Variants in ILDR1 observed in about 807,000 individuals in gnomAD.
ILDR1 encodes the protein immunoglobulin like domain containing receptor 1.
ILDR1 carries 56 observed loss-of-function variants against 62.4 expected under a neutral mutation model. The ratio of observed to expected loss-of-function variants is 0.90; its 90% CI spans 0.72 to 1.12. The LOEUF is 1.12. Ranked by LOEUF, ILDR1 falls within the 50% of genes most tolerant of loss-of-function variation. ILDR1 has a pLI of 0.00. For missense variants in ILDR1, 736 were observed against 710.6 expected (o/e 1.04, Z -0.41); for synonymous variants, 284 against 277.8 (o/e 1.02, Z -0.22).
chr3:122,040,915 T>G, the ILDR1 span, among the ~76,000 whole-genome samples: 1 of 152,134 alleles, frequency 6.6e-6, no homozygotes, highest in Non-Finnish European at 1.5e-5. Context: ...GAGTTACACT[T>G]TATTAAAATT....
At chr3:122,003,831 A>C (rs898547609) in intron 3 of ILDR1, among the ~76,000 whole-genome samples, 1 of 152,210 alleles carries the variant, frequency 6.6e-6, no homozygotes, top group African/African-American at 2.4e-5. Context: ...GGGGATTTCC[A>C]TCCTTCAGAA....
intron 1 of ILDR1, among the ~76,000 whole-genome samples, chr3:122,009,232 T>C (rs911832442): frequency 6.6e-6 from 1 of 151,912 alleles, no homozygotes; most frequent in Non-Finnish European, 1.5e-5. Context: ...CACACAGCAA[T>C]TGATATAAAT....
chr3:122,003,009 G>GC (rs2071551298), intron 3 of ILDR1, among the ~76,000 whole-genome samples: 1 of 152,174 alleles, frequency 6.6e-6, no homozygotes, highest in Non-Finnish European at 1.5e-5. Flanking sequence ...ATTCACTAAA[G>GC]CCCTTTTGTG....
intron 1 of ILDR1, among the ~76,000 whole-genome samples, chr3:122,010,417 T>A (rs780946885): frequency 4.5e-4 from 68 of 152,026 alleles, no homozygotes; most frequent in African/African-American, 1.5e-3. Context: ...GAAAAAAAAA[T>A]ATATATCATT....
the ILDR1 span, among the ~76,000 whole-genome samples, chr3:122,044,856 T>C: frequency 2.0e-5 from 3 of 151,928 alleles, no homozygotes; most frequent in Non-Finnish European, 4.4e-5. Flanking sequence ...TGTTGATCCT[T>C]TCAAAAAACC....
the ILDR1 span, among the ~76,000 whole-genome samples, chr3:122,034,338 A>G: frequency 6.6e-6 from 1 of 152,230 alleles, no homozygotes; most frequent in African/African-American, 2.4e-5. Context: ...AGAGCTAGAA[A>G]GAGAGTTATT....
At chr3:122,047,692 A>T in the ILDR1 span, among the ~76,000 whole-genome samples, 1 of 151,906 alleles carries the variant, frequency 6.6e-6, no homozygotes, top group African/African-American at 2.4e-5. Flanking sequence ...TGCGTCTGTC[A>T]CCCCTTTCTT....
In ILDR1 at chr3:121,994,234, C is replaced by T. The variant is rs114464909; in HGVS notation, c.726G>A (p.Ala242=). The change falls in exon 6 of 8, where the codon GCG becomes GCA. Residue 242 remains alanine (A), a synonymous_variant. Transcript: ENST00000344209. ...AAGATGAAACCTGGGAGCTCCTGTC[C>T]GCCCCCCAGTACAGGGGTTTTCCCA... is the stretch of plus-strand genomic sequence containing the variant. ...QMMGKPLYWG[A]DRSSQVSSYP... is the part of the protein sequence containing the mutation. The T allele has an allele frequency of 1.6e-3, 2,441 of 1,536,090 alleles. 36 individuals carry two copies. In the African/African-American group the frequency reaches 0.027, roughly 17 times the overall value.
chr3:122,047,508 C>T, the ILDR1 span, among the ~76,000 whole-genome samples: 2 of 152,378 alleles, frequency 1.3e-5, no homozygotes, highest in East Asian at 1.9e-4. Context: ...GCGCCCCTCC[C>T]CCAGCCTCGC....
Position 121,994,321 on chromosome 3 carries a change from GA to G in ILDR1, c.647-9del, listed in dbSNP as rs1337350637. The G allele has an allele frequency of 9.2e-6, 14 of 1,529,566 alleles. No individual in the cohort carries two copies. The highest frequency in any genetic ancestry group is 1.2e-5 in the Non-Finnish European group (14 of 1,142,256). The allele number at this position is 1,529,566 out of a possible 1,614,324, so 94.7% of individuals were successfully genotyped here. ...AGCGGTGGCGGGCCAGGGCTGCAGG[GA>G]AAGAAGGAGAAATGCAGGCCCTCAG... On this transcript the variant is annotated splice_polypyrimidine_tract_variant and intron_variant, in intron 5 of 7. Transcript: ENST00000344209.
the ILDR1 span, among the ~76,000 whole-genome samples, chr3:122,029,333 C>G: frequency 6.6e-6 from 1 of 151,748 alleles, no homozygotes; most frequent in Non-Finnish European, 1.5e-5. Context: ...ATGGTGAAAC[C>G]CCGTTTCTAC....
At chr3:122,005,906 AAAACAAAAAC>A (rs200942357) in intron 2 of ILDR1, among the ~76,000 whole-genome samples, 17,911 of 145,624 alleles carry the variant, frequency 0.12, 1,147 homozygotes, top group Middle Eastern at 0.21. Flanking sequence ...TCTCAAAACA[AAAACAAAAAC>A]AAAAACAAAA....
the ILDR1 span, among the ~76,000 whole-genome samples, chr3:122,045,191 GGAGCAGGTTGTTCAGTTTCCATGTAGTT>G: frequency 6.7e-6 from 1 of 149,944 alleles, no homozygotes; most frequent in African/African-American, 2.5e-5. Context: ...TAGTCATTCA[GGAGCAGGTTGTTCAGTTTCCATGTAGTT>G]GAGCAGCTTT....
chr3:122,053,154 T>G, the ILDR1 span, among the ~76,000 whole-genome samples: 2 of 152,226 alleles, frequency 1.3e-5, no homozygotes, highest in African/African-American at 4.8e-5. Flanking sequence ...GGGTTTCTCA[T>G]TCTGCCATCT....
chr3:122,005,225 A>T lies in ILDR1; in HGVS notation c.379+19T>A. On this transcript the variant is annotated intron_variant, in intron 3 of 7. Transcript: ENST00000344209. Reference sequence around the variant, plus strand: ...CCTCCCCCCACCCCCAGTTCCCCTGACACCTCCCCCGCACTCACGGTTCTG... The same window carrying T: ...CCTCCCCCCACCCCCAGTTCCCCTGTCACCTCCCCCGCACTCACGGTTCTG... The T allele has an allele frequency of 2.9e-6, 3 of 1,028,580 alleles. No individual in the cohort carries two copies. Among genetic ancestry groups the T allele is most frequent in the Non-Finnish European group, 4.3e-6 (3 of 694,118 alleles). 63.7% of individuals were successfully genotyped at this position (1,028,580 alleles called of 1,614,324 possible). A position where few individuals can be genotyped will look rare whatever the true frequency, so the allele number is the denominator to read the frequency against.
At chr3:122,044,496 C>G in the ILDR1 span, among the ~76,000 whole-genome samples, 20 of 149,260 alleles carry the variant, frequency 1.3e-4, no homozygotes, top group South Asian at 8.5e-4. Context: ...GGAATGGTAC[C>G]AGCTCCTCCT....
chr3:122,056,631 G>A, the ILDR1 span, among the ~76,000 whole-genome samples: 1 of 152,140 alleles, frequency 6.6e-6, no homozygotes, highest in African/African-American at 2.4e-5. Context: ...CGCGCACCCG[G>A]CCGTCACTAT....
chr3:121,993,716 TC>T lies in ILDR1; in HGVS notation c.1032del (p.Thr345ProfsTer20), dbSNP rs1226171550. 3.1e-6 allele frequency: 5 copies of T among 1,614,002 alleles called. No individual in the cohort carries two copies. In the South Asian group the frequency reaches 5.5e-5, roughly 18 times the overall value. ...CACTGCTGGTGCAGGGAGTCACTGG[TC>T]CTCCTTGAGGATGACAGGTCTCTGA... Reference protein sequence around the residue: ...PLIRDLSSSRRTSDSLHQQWL... With the variant: ...PLIRDLSSSRXTSDSLHQQWL... On this transcript the variant is annotated frameshift_variant, in exon 7 of 8. Coordinates refer to ENST00000344209, the MANE Select transcript of ILDR1 (RefSeq NM_001199799.2). LOFTEE classifies it high-confidence loss of function.
At chr3:121,996,473 G>A (rs938662295) in intron 5 of ILDR1, among the ~76,000 whole-genome samples, 5 of 152,106 alleles carry the variant, frequency 3.3e-5, no homozygotes, top group Non-Finnish European at 7.3e-5. Context: ...TTTCTCTTGC[G>A]TGCCTTCCCC....
Sources: gnomAD v4.1 joint callset for allele counts (sites outside exome capture counted in the v4.1 genomes callset) on GRCh38, gnomAD v4.1.1 for gene constraint, MANE v1.5 for transcripts, NCBI Gene and HGNC (gene_info 2026-07-23, HGNC 2026-07-21) for gene names.